Variants in MIPOL1 observed in about 807,000 individuals in gnomAD.
MIPOL1 encodes mirror-image polydactyly 1.
A neutral mutation model predicts 60.9 loss-of-function variants in MIPOL1; 57 were observed. The ratio of observed to expected loss-of-function variants is 0.94; its 90% CI spans 0.76 to 1.17. The LOEUF is 1.17. Among genes scored for constraint, MIPOL1 ranks in the 50% most tolerant of loss-of-function variants. MIPOL1 has a pLI of 0.00. For missense variants in MIPOL1, 551 were observed against 511.6 expected, an observed-to-expected ratio of 1.08 and a Z score of -0.74; for synonymous variants, 179 against 168.8, an observed-to-expected ratio of 1.06 and a Z score of -0.47.
intron 12 of MIPOL1, among the ~76,000 whole-genome samples, chr14:37,527,817 A>C (rs2153634722): frequency 6.6e-6 from 1 of 152,220 alleles, no homozygotes; most frequent in South Asian, 2.1e-4. Context: ...AGGTATGAAG[A>C]AGTAAAACTA....
At chr14:37,377,541 A>G (rs2092809363) in intron 10 of MIPOL1, among the ~76,000 whole-genome samples, 1 of 152,088 alleles carries the variant, frequency 6.6e-6, no homozygotes, top group African/African-American at 2.4e-5. Context: ...CCTATATTTT[A>G]AATCATTCTT....
At chr14:37,308,200 A>C (rs1157890516) in intron 8 of MIPOL1, 111 bp downstream of exon 8, 4 of 1,225,372 alleles carry the variant, frequency 3.3e-6, no homozygotes, top group Non-Finnish European at 3.4e-6. Flanking sequence ...GAATTGACAC[A>C]CTAATAATGT....
At chr14:37,552,097 T>G (rs2153645947), downstream of MIPOL1, 1 of 152,134 alleles carries the variant, frequency 6.6e-6, no homozygotes, top group Admixed American at 6.5e-5. Context: ...AACTTAGAAT[T>G]TACAGCTTAG....
chr14:37,241,097 A>G (rs1176876526), intron 1 of MIPOL1, among the ~76,000 whole-genome samples: 2 of 152,184 alleles, frequency 1.3e-5, no homozygotes, highest in Non-Finnish European at 2.9e-5. Flanking sequence ...CCTGAGATCT[A>G]GGAGAGCTGA....
In MIPOL1 at chr14:37,547,096, C is replaced by G. The variant is rs561607067; in HGVS notation, c.*125C>G. ...TGTTAGAAGTGGGACACTCCAACCACATTCCAAGCTGAGATAAAATCAAAT... is the reference window on the plus strand; with the variant it reads ...TGTTAGAAGTGGGACACTCCAACCAGATTCCAAGCTGAGATAAAATCAAAT... On this transcript the variant is annotated 3_prime_UTR_variant, in exon 13 of 13. Transcript: ENST00000684589. 4 of 709,546 alleles carry G rather than the reference C, an allele frequency of 5.6e-6. No homozygotes were observed. The highest frequency in any genetic ancestry group is 9.5e-6 in the Non-Finnish European group (4 of 419,186). 44.0% of individuals were successfully genotyped at this position (709,546 alleles called of 1,614,324 possible).
chr14:37,374,240 C>A (rs185604829), intron 10 of MIPOL1, among the ~76,000 whole-genome samples: 111 of 151,790 alleles, frequency 7.3e-4, no homozygotes, highest in African/African-American at 2.5e-3. Flanking sequence ...GTTTGTTTTT[C>A]GGGGGGTAAA....
intron 11 of MIPOL1, among the ~76,000 whole-genome samples, chr14:37,481,272 A>G (rs2094859568): frequency 1.3e-5 from 2 of 152,200 alleles, no homozygotes; most frequent in Admixed American, 1.3e-4. Context: ...CCCATTTGCA[A>G]TAGCTACCCC....
chr14:37,288,581 A>T (rs2084786577), intron 7 of MIPOL1, among the ~76,000 whole-genome samples: 1 of 152,072 alleles, frequency 6.6e-6, no homozygotes, highest in South Asian at 2.1e-4. Flanking sequence ...AGGTAGGAGG[A>T]TTGCTTGAGT....
intron 10 of MIPOL1, among the ~76,000 whole-genome samples, chr14:37,396,449 G>A (rs897427044): frequency 5.3e-5 from 8 of 152,072 alleles, no homozygotes; most frequent in East Asian, 3.9e-4. Flanking sequence ...ATGACAATGC[G>A]CCTAGGTGAT....
intron 10 of MIPOL1, among the ~76,000 whole-genome samples, chr14:37,402,306 A>T (rs1458809931): frequency 6.6e-6 from 1 of 152,200 alleles, no homozygotes; most frequent in Admixed American, 6.5e-5. Context: ...AGGAAAAGGA[A>T]AAAATTTGCC....
At chr14:37,508,814 C>T (rs147869303) in intron 12 of MIPOL1, among the ~76,000 whole-genome samples, 9 of 152,230 alleles carry the variant, frequency 5.9e-5, no homozygotes, top group African/African-American at 2.2e-4. Flanking sequence ...CCTCTGCTCA[C>T]GTAATATTAT....
Position 37,406,060 on chromosome 14 carries a change from A to G in MIPOL1, c.937-16795A>G, listed in dbSNP as rs185038431. ...ATCATACTGATTTTCCTTTTAATACATTCATAAAATTTTAGAATAATTTTA... is the reference window on the plus strand; with the variant it reads ...ATCATACTGATTTTCCTTTTAATACGTTCATAAAATTTTAGAATAATTTTA... On this transcript the variant is annotated intron_variant, in intron 10 of 12. Coordinates refer to ENST00000684589, the MANE Select transcript of MIPOL1 (RefSeq NM_001388067.1). Among the ~76,000 whole-genome samples the G allele has an allele frequency of 4.4e-4, 67 of 152,212 alleles. 1 individual carries two copies. Among genetic ancestry groups the G allele is most frequent in the Middle Eastern group, 3.4e-3 (1 of 294 alleles).
intron 1 of MIPOL1, among the ~76,000 whole-genome samples, chr14:37,226,710 G>T (rs539920178): frequency 6.6e-6 from 1 of 152,288 alleles, no homozygotes; most frequent in East Asian, 1.9e-4. Flanking sequence ...AGGCTGAGAT[G>T]GGAGGATTGC....
intron 9 of MIPOL1, among the ~76,000 whole-genome samples, chr14:37,346,323 C>A (rs947634903): frequency 6.6e-6 from 1 of 151,994 alleles, no homozygotes; most frequent in African/African-American, 2.4e-5. Context: ...AGTGAGACTC[C>A]GTCTCAAAAA....
intron 6 of MIPOL1, chr14:37,278,963 T>C (rs1295068370): frequency 1.3e-5 from 2 of 151,694 alleles, no homozygotes; most frequent in Admixed American, 1.3e-4. Context: ...GGGGTACGGG[T>C]GATCCTCTCT....
intron 9 of MIPOL1, among the ~76,000 whole-genome samples, chr14:37,328,468 A>T (rs112366582): frequency 0.012 from 1,867 of 152,246 alleles, 13 homozygotes; most frequent in Middle Eastern, 0.031. Flanking sequence ...AAGTTTTATT[A>T]TATGTTACTA....
chr14:37,370,695 T>C (rs910634815), intron 10 of MIPOL1, among the ~76,000 whole-genome samples: 5 of 152,166 alleles, frequency 3.3e-5, no homozygotes, highest in African/African-American at 1.2e-4. Context: ...TTCTTAGTGG[T>C]AGGCTTATAA....
chr14:37,424,296 G>A (rs548199358), intron 11 of MIPOL1, among the ~76,000 whole-genome samples: 49 of 152,280 alleles, frequency 3.2e-4, no homozygotes, highest in South Asian at 2.1e-3. Context: ...AATAAAGTCA[G>A]TAGGGTGGGC....
intron 1 of MIPOL1, among the ~76,000 whole-genome samples, chr14:37,242,716 A>G (rs1972547524): frequency 6.6e-6 from 1 of 152,148 alleles, no homozygotes; most frequent in South Asian, 2.1e-4. Flanking sequence ...TCTTCTAAGG[A>G]TAGAGAGATG....
Sources: allele counts gnomAD v4.1 joint callset (sites outside exome capture counted in the v4.1 genomes callset), GRCh38; gene constraint gnomAD v4.1.1; transcripts MANE v1.5; gene names NCBI Gene and HGNC (gene_info 2026-07-23, HGNC 2026-07-21).